WDR27: variants seen among roughly 807,000 people sequenced by gnomAD.
WDR27 encodes WD repeat-containing protein 27.
In WDR27, 100 loss-of-function variants were observed where a neutral mutation model predicts 114.4. That is an observed-to-expected ratio of 0.87 (90% CI 0.74 to 1.03). The LOEUF is 1.03. WDR27 is among the 50% of genes least tolerant of loss of function. WDR27 has a pLI of 0.00. For missense variants in WDR27, 1,129 were observed against 1,092.9 expected (o/e 1.03, Z -0.47); for synonymous variants, 449 against 423.1 (o/e 1.06, Z -0.75).
rs575892045 is a variant in WDR27, at chr6:169,562,037, A to AG, written c.2645+10381dup. Reference sequence around the variant, plus strand: ...CATAATAACCCAAACCTAATAAAGTAGCTTTGAAATAAACAAAACAAAAAA... The same window carrying AG: ...CATAATAACCCAAACCTAATAAAGTAGGCTTTGAAATAAACAAAACAAAAAA... On this transcript the variant is annotated intron_variant, in intron 25 of 25. Coordinates refer to ENST00000448612, the MANE Select transcript of WDR27 (RefSeq NM_182552.5). Among the ~76,000 whole-genome samples, 55 of 152,350 alleles carry AG rather than the reference A, an allele frequency of 3.6e-4. No individual in the cohort carries two copies. The South Asian group carries it at 0.011, about 32-fold the overall frequency.
At chr6:169,436,447 T>C in the WDR27 span, among the ~76,000 whole-genome samples, 1 of 150,522 alleles carries the variant, frequency 6.6e-6, no homozygotes, top group Non-Finnish European at 1.5e-5. Context: ...TGAAAACAAC[T>C]GTATCTTCTG....
chr6:169,616,444 C>T (rs141810177), intron 21 of WDR27, among the ~76,000 whole-genome samples: 13,753 of 151,978 alleles, frequency 0.09, 932 homozygotes, highest in South Asian at 0.29. Flanking sequence ...GCCAAGACTG[C>T]GCCACTGCCC....
chr6:169,617,524 T>C (rs1812146092), intron 21 of WDR27, among the ~76,000 whole-genome samples: 1 of 152,146 alleles, frequency 6.6e-6, no homozygotes, highest in Non-Finnish European at 1.5e-5. Flanking sequence ...TACAAGGTCA[T>C]GCCACCACAC....
rs992337007 is a variant in WDR27 at position 169,516,763 on chromosome 6, T to G, written c.2645+55656A>C. ...GGGTAAGACAGAACTGCAAACTGCCTGGCTGAGAGTTAAAGGCATGCTCCA... is the reference window on the plus strand; with the variant it reads ...GGGTAAGACAGAACTGCAAACTGCCGGGCTGAGAGTTAAAGGCATGCTCCA... On this transcript the variant is annotated intron_variant, in intron 25 of 25. Transcript: ENST00000448612. 2.1e-5 allele frequency among the ~76,000 whole-genome samples: 3 copies of G among 141,018 alleles called. No individual in the cohort carries two copies. In the South Asian group the frequency reaches 6.7e-4, roughly 32 times the overall value. 92.5% of individuals were successfully genotyped at this position (141,018 alleles called of 152,430 possible).
chr6:169,499,951 C>T (rs1321172296), intron 25 of WDR27, among the ~76,000 whole-genome samples: 1 of 152,154 alleles, frequency 6.6e-6, no homozygotes, highest in Admixed American at 6.5e-5. Flanking sequence ...GTCCGGGGGA[C>T]CTGAGGGCTC....
chr6:169,564,348 T>C (rs758900411), intron 25 of WDR27, among the ~76,000 whole-genome samples: 2 of 152,172 alleles, frequency 1.3e-5, no homozygotes, highest in Non-Finnish European at 2.9e-5. Flanking sequence ...GGGCCTGCCT[T>C]TCCCAGCTCA....
chr6:169,502,596 G>A (rs540279489), intron 25 of WDR27, among the ~76,000 whole-genome samples: 2 of 152,230 alleles, frequency 1.3e-5, no homozygotes, highest in East Asian at 1.9e-4. Context: ...CTTCCCGGCC[G>A]ACCCCGATCC....
intron 25 of WDR27, among the ~76,000 whole-genome samples, chr6:169,565,563 C>T (rs1194071067): frequency 1.3e-5 from 2 of 152,208 alleles, no homozygotes; most frequent in Non-Finnish European, 2.9e-5. Context: ...CATAATCACA[C>T]AGATGCTGGA....
intron 21 of WDR27, among the ~76,000 whole-genome samples, chr6:169,618,356 T>C (rs1197770569): frequency 6.6e-6 from 1 of 151,762 alleles, no homozygotes; most frequent in Non-Finnish European, 1.5e-5. Context: ...CTATCAAGTT[T>C]TAAAAATATA....
chr6:169,498,232 T>C (rs1247418722), intron 25 of WDR27, among the ~76,000 whole-genome samples: 1 of 152,066 alleles, frequency 6.6e-6, no homozygotes, highest in African/African-American at 2.4e-5. Flanking sequence ...AAATCTCTCA[T>C]CTATTCAGAA....
At chr6:169,543,607 C>G (rs1351268647) in intron 25 of WDR27, among the ~76,000 whole-genome samples, 1 of 152,000 alleles carries the variant, frequency 6.6e-6, no homozygotes, top group East Asian at 1.9e-4. Context: ...AGATGAATGG[C>G]ATGATTTTAT....
chr6:169,615,402 A>G (rs1471609700), intron 21 of WDR27, among the ~76,000 whole-genome samples: 1 of 152,058 alleles, frequency 6.6e-6, no homozygotes, highest in African/African-American at 2.4e-5. Context: ...AGCAGACCCC[A>G]GTGTCTGTGG....
chr6:169,679,382 T>C (rs976202623), intron 2 of WDR27, among the ~76,000 whole-genome samples: 1 of 152,220 alleles, frequency 6.6e-6, no homozygotes, highest in African/African-American at 2.4e-5. Flanking sequence ...GACATGATTA[T>C]ATTTTGCAAT....
the WDR27 span, among the ~76,000 whole-genome samples, chr6:169,437,767 A>C: frequency 2.6e-5 from 4 of 152,222 alleles, no homozygotes; most frequent in Non-Finnish European, 4.4e-5. Context: ...TTATAGAACA[A>C]CACTCTCCAA....
At chr6:169,578,119 C>T (rs897372949) in intron 24 of WDR27, among the ~76,000 whole-genome samples, 15 of 152,164 alleles carry the variant, frequency 9.9e-5, no homozygotes, top group African/African-American at 3.6e-4. Flanking sequence ...CAGTGCTGAC[C>T]CTGGAGCATG....
intron 25 of WDR27, among the ~76,000 whole-genome samples, chr6:169,467,032 G>T (rs1308007720): frequency 6.6e-6 from 1 of 152,136 alleles, no homozygotes; most frequent in East Asian, 1.9e-4. Context: ...GGGGCTACAG[G>T]TCCCAGAAGA....
intron 25 of WDR27, among the ~76,000 whole-genome samples, chr6:169,516,040 G>A (rs556556640): frequency 6.6e-6 from 1 of 151,976 alleles, no homozygotes; most frequent in African/African-American, 2.4e-5. Flanking sequence ...TACAAAAATA[G>A]CTAAGAGGAG....
At chr6:169,605,004 G>C (rs77252461) in intron 22 of WDR27, among the ~76,000 whole-genome samples, 1 of 144,156 alleles carries the variant, frequency 6.9e-6, no homozygotes, top group Non-Finnish European at 1.5e-5. Flanking sequence ...CTGAATGGGG[G>C]AAAATTGAAA....
chr6:169,620,026 T>C (rs1490576022), intron 21 of WDR27, among the ~76,000 whole-genome samples: 1 of 152,130 alleles, frequency 6.6e-6, no homozygotes, highest in Admixed American at 6.5e-5. Flanking sequence ...CAGAGCCAGG[T>C]TGGAAAATAA....
Sources: gnomAD v4.1 joint callset for allele counts (sites outside exome capture counted in the v4.1 genomes callset) on GRCh38, gnomAD v4.1.1 for gene constraint, MANE v1.5 for transcripts, NCBI Gene and HGNC (gene_info 2026-07-23, HGNC 2026-07-21) for gene names.